The following ATF7IP variants were observed in gnomAD, a reference collection of about 807,000 sequenced individuals.
The protein encoded by ATF7IP is activating transcription factor 7-interacting protein 1.
A neutral mutation model predicts 106.4 loss-of-function variants in ATF7IP; 23 were observed. The ratio of observed to expected loss-of-function variants is 0.22; its 90% CI spans 0.16 to 0.31. ATF7IP has a LOEUF of 0.31. ATF7IP is among the 10% of genes least tolerant of loss of function. ATF7IP has a pLI of 1.00. For synonymous variants in ATF7IP, 542 were observed against 539.0 expected (o/e 1.01, Z -0.08); for missense variants, 1,334 against 1,524.3 (o/e 0.88, Z 2.08).
intron 1 of ATF7IP, among the ~76,000 whole-genome samples, chr12:14,397,276 A>T (rs961585720): frequency 6.6e-6 from 1 of 152,234 alleles, no homozygotes; most frequent in African/African-American, 2.4e-5. Context: ...CAAAATTTGG[A>T]GTATAAAAAT....
At chr12:14,413,079 T>A (rs138269415) in intron 1 of ATF7IP, among the ~76,000 whole-genome samples, 2,360 of 152,320 alleles carry the variant, frequency 0.015, 24 homozygotes, top group Non-Finnish European at 0.019. Context: ...TGGCTAGAAC[T>A]TCTAGTTCAA....
rs935019807 is a variant in ATF7IP at position 14,378,223 on chromosome 12, G to A, written c.-8+12396G>A. Among the ~76,000 whole-genome samples the A allele has an allele frequency of 2.7e-5, 4 of 150,702 alleles. No individual in the cohort carries two copies. In the East Asian group the frequency reaches 5.9e-4, roughly 22 times the overall value. The stretch of plus-strand genomic sequence containing the variant: ...AGCGATTCTCCTGCATCAGCCTTCC[G>A]AGTGGCTGGTATTACAGGCACATGC... On this transcript the variant is annotated intron_variant, in intron 1 of 14. Coordinates refer to ENST00000261168, the MANE Select transcript of ATF7IP (RefSeq NM_018179.5).
chr12:14,434,255 G>A, intron 2 of ATF7IP, 82 bp from the exon 3 acceptor site: 1 of 883,908 alleles, frequency 1.1e-6, no homozygotes, highest in Non-Finnish European at 1.8e-6. Context: ...TTTTGTAACT[G>A]GATAGTGACT....
intron 11 of ATF7IP, among the ~76,000 whole-genome samples, chr12:14,477,706 T>C (rs1944305859): frequency 6.6e-6 from 1 of 152,242 alleles, no homozygotes; most frequent in African/African-American, 2.4e-5. Flanking sequence ...TGTGGAATTC[T>C]ATAGGACAGA....
At chr12:14,422,785 T>C (rs114730066) in intron 1 of ATF7IP, among the ~76,000 whole-genome samples, 17 of 152,348 alleles carry the variant, frequency 1.1e-4, no homozygotes, top group African/African-American at 3.6e-4. Context: ...ACATTTTATT[T>C]ATCCATTCAT....
intron 10 of ATF7IP, 104 bp downstream of exon 10, chr12:14,466,694 T>C: frequency 1.1e-6 from 1 of 880,436 alleles, no homozygotes; most frequent in Non-Finnish European, 1.8e-6. Flanking sequence ...TATGTGTGTT[T>C]TTTATAACTA....
At chr12:14,379,542 A>G (rs1413592750) in intron 1 of ATF7IP, among the ~76,000 whole-genome samples, 1 of 151,946 alleles carries the variant, frequency 6.6e-6, no homozygotes, top group Non-Finnish European at 1.5e-5. Flanking sequence ...TGGCAGGAGA[A>G]TTCTTAGAAT....
intron 1 of ATF7IP, among the ~76,000 whole-genome samples, chr12:14,423,574 C>CTTTTTTTTTTTTT: frequency 2.9e-5 from 1 of 34,428 alleles, no homozygotes; most frequent in Admixed American, 3.7e-4. Context: ...TCTTCAGGTA[C>CTTTTTTTTTTTTT]TTTTTTTTTT....
intron 2 of ATF7IP, among the ~76,000 whole-genome samples, chr12:14,431,669 T>C (rs10845996): frequency 0.48 from 72,920 of 151,830 alleles, 17,598 homozygotes; most frequent in Admixed American, 0.55. Context: ...GCTGGGATTA[T>C]AGGTGTGAGC....
At chr12:14,426,105 A>G (rs1286513883) in intron 2 of ATF7IP, among the ~76,000 whole-genome samples, 2 of 152,140 alleles carry the variant, frequency 1.3e-5, no homozygotes, top group South Asian at 4.1e-4. Context: ...TTGTCCGTCT[A>G]TGTCTTAGAT....
chr12:14,495,706 C>G (rs1944991025), intron 13 of ATF7IP, among the ~76,000 whole-genome samples: 3 of 152,192 alleles, frequency 2.0e-5, no homozygotes, highest in South Asian at 4.1e-4. Flanking sequence ...CTCATTAATA[C>G]ATGGCAAGGA....
chr12:14,474,137 G>GT (rs1944165157), intron 10 of ATF7IP, among the ~76,000 whole-genome samples: 1 of 151,526 alleles, frequency 6.6e-6, no homozygotes, highest in African/African-American at 2.4e-5. Context: ...TTGCTGAACT[G>GT]TTTCTTATTG....
Position 14,438,288 on chromosome 12 carries a change from T to C in ATF7IP, c.1929+21T>C, listed in dbSNP as rs747644650. 5 of 1,590,876 alleles carry C rather than the reference T, an allele frequency of 3.1e-6. No homozygotes were observed. The South Asian group carries it at 4.4e-5, about 14-fold the overall frequency. On this transcript the variant is annotated intron_variant, in intron 5 of 14. Coordinates refer to ENST00000261168, the MANE Select transcript of ATF7IP (RefSeq NM_018179.5). ...TACAGGTTTGTACATTGACTTGAGT[T>C]GTATACTCCATGTGTCATTGTTTTT...
intron 10 of ATF7IP, 55 bp downstream of exon 10, chr12:14,466,645 A>G: frequency 7.6e-7 from 1 of 1,310,848 alleles, no homozygotes; most frequent in Non-Finnish European, 1.1e-6. Context: ...CCACAGGAAA[A>G]TGAATTTTCA....
At chr12:14,491,507 C>T (rs979734084) in intron 13 of ATF7IP, among the ~76,000 whole-genome samples, 2 of 152,192 alleles carry the variant, frequency 1.3e-5, no homozygotes, top group African/African-American at 4.8e-5. Context: ...TTTGCTACTT[C>T]TTGCTCACTT....
intron 1 of ATF7IP, among the ~76,000 whole-genome samples, chr12:14,376,720 T>C (rs1938751624): frequency 6.6e-6 from 1 of 152,196 alleles, no homozygotes; most frequent in Non-Finnish European, 1.5e-5. Flanking sequence ...TTCTTTATTC[T>C]CTTCAAAGCT....
intron 3 of ATF7IP, among the ~76,000 whole-genome samples, chr12:14,435,370 A>G (rs1942357846): frequency 6.6e-6 from 1 of 152,198 alleles, no homozygotes; most frequent in African/African-American, 2.4e-5. Flanking sequence ...GCATATAGAT[A>G]CAGACACATA....
At chr12:14,474,305 T>A (rs1309148403) in intron 10 of ATF7IP, among the ~76,000 whole-genome samples, 1 of 151,824 alleles carries the variant, frequency 6.6e-6, no homozygotes, top group African/African-American at 2.4e-5. Flanking sequence ...TTTTAGTAAT[T>A]ATTTTTTCAG....
In ATF7IP at chr12:14,460,746, A is replaced by G. The variant is rs1212672377; in HGVS notation, c.2410A>G (p.Thr804Ala). 59 of 1,614,164 alleles carry G rather than the reference A, an allele frequency of 3.7e-5. No homozygotes were observed. Among genetic ancestry groups the G allele is most frequent in the Non-Finnish European group, 4.9e-5 (58 of 1,180,006 alleles). ...TCAGCTTCTACAGAGCCATCCAGGGACTTTGGTGACTAATCAACCATCTGG... is the reference window on the plus strand; with the variant it reads ...TCAGCTTCTACAGAGCCATCCAGGGGCTTTGGTGACTAATCAACCATCTGG... Reference protein sequence around the residue: ...QPQLLQSHPGTLVTNQPSGNV... With the variant: ...QPQLLQSHPGALVTNQPSGNV... The change falls in exon 9 of 15, where the codon ACT becomes GCT. Residue 804 changes from threonine to alanine, a missense_variant. By Grantham distance (58) the Thr-to-Ala change is moderately conservative (BLOSUM62 0). Coordinates refer to ENST00000261168, the MANE Select transcript of ATF7IP (RefSeq NM_018179.5).
Sources: allele counts gnomAD v4.1 joint callset (sites outside exome capture counted in the v4.1 genomes callset), GRCh38; gene constraint gnomAD v4.1.1; transcripts MANE v1.5; gene names NCBI Gene and HGNC (gene_info 2026-07-23, HGNC 2026-07-21).